SARDH: variants seen among roughly 807,000 people sequenced by gnomAD.
The protein encoded by SARDH is sarcosine dehydrogenase, also known as sarcosine dehydrogenase, mitochondrial.
SARDH carries 95 observed loss-of-function variants against 109.1 expected under a neutral mutation model. The observed-to-expected ratio is 0.87, with a 90% CI of 0.74 to 1.03. The LOEUF (loss-of-function observed/expected upper bound fraction) is 1.03, where lower values mean the gene tolerates loss of function less well. SARDH is among the 50% of genes least tolerant of loss of function. The probability of loss-of-function intolerance (pLI) is 0.00; values close to 1 mark genes in which losing one functional copy is unlikely to be tolerated. For synonymous variants in SARDH, 572 were observed against 534.8 expected, an observed-to-expected ratio of 1.07 and a Z score of -0.96; for missense variants, 1,267 against 1,287.8, an observed-to-expected ratio of 0.98 and a Z score of 0.25.
chr9:133,713,161 C>T (rs1419439507), intron 8 of SARDH, 37 bp from the exon 9 acceptor site: 8 of 1,564,294 alleles, frequency 5.1e-6, no homozygotes, highest in Middle Eastern at 1.7e-4. Flanking sequence ...GTCCCTTTTG[C>T]AGTGCACATA....
At chr9:133,725,503 T>A (rs766981242) in intron 6 of SARDH, 17 of 434,576 alleles carry the variant, frequency 3.9e-5, no homozygotes, top group Non-Finnish European at 7.9e-5. Flanking sequence ...TGAAACTCCG[T>A]CTCTACTAAA....
chr9:133,725,225 G>A (rs1315542264), intron 6 of SARDH, among the ~76,000 whole-genome samples: 2 of 152,178 alleles, frequency 1.3e-5, no homozygotes, highest in Non-Finnish European at 2.9e-5. Context: ...GAAATGGGGA[G>A]TGATTGATAA....
chr9:133,664,239 C>T (rs2131307287), intron 20 of SARDH, among the ~76,000 whole-genome samples: 1 of 152,322 alleles, frequency 6.6e-6, no homozygotes, highest in East Asian at 1.9e-4. Context: ...TCCGGCAAAG[C>T]CAAGGTCTGG....
chr9:133,664,145 G>A, intron 20 of SARDH, 131 bp from the exon 21 acceptor site: 1 of 1,256,524 alleles, frequency 8.0e-7, no homozygotes, highest in Non-Finnish European at 1.1e-6. Flanking sequence ...CTGTGCCAGG[G>A]ACTCCTTTCT....
chr9:133,732,513 C>T lies in SARDH; in HGVS notation c.420G>A (p.Glu140=). The T allele has an allele frequency of 2.5e-6, 4 of 1,613,892 alleles. No homozygotes were observed. The highest frequency in any genetic ancestry group is 2.5e-6 in the Non-Finnish European group (3 of 1,179,886). The change falls in exon 3 of 21, where the codon GAG becomes GAA. Residue 140 remains glutamate, a synonymous_variant. Transcript: ENST00000439388. ...RRVVSRELEE[E]TGLHTGWIQN... ...GGATCCAGCCCGTGTGTAGTCCCGT[C>T]TCCTCCTCCAGCTCCCGGCTCACCA...
intron 1 of SARDH, among the ~76,000 whole-genome samples, chr9:133,734,642 G>A (rs958527614): frequency 3.3e-5 from 5 of 152,188 alleles, no homozygotes; most frequent in Non-Finnish European, 2.9e-5. Flanking sequence ...AGAGAAGAGT[G>A]GGTGGCGTGG....
At chr9:133,681,707 T>C (rs1174028208) in intron 17 of SARDH, among the ~76,000 whole-genome samples, 1 of 152,188 alleles carries the variant, frequency 6.6e-6, no homozygotes, top group East Asian at 1.9e-4. Flanking sequence ...AAAACACTAG[T>C]GCTTGACTGA....
At chr9:133,713,397 C>T (rs1450361721) in intron 8 of SARDH, among the ~76,000 whole-genome samples, 2 of 152,192 alleles carry the variant, frequency 1.3e-5, no homozygotes, top group Admixed American at 6.5e-5. Flanking sequence ...GTCTTGTGGC[C>T]GTTGTCCTGC....
chr9:133,705,762 C>T (rs1451697246), intron 11 of SARDH, among the ~76,000 whole-genome samples: 2 of 152,194 alleles, frequency 1.3e-5, no homozygotes, highest in Admixed American at 1.3e-4. Flanking sequence ...CACATAAATT[C>T]GTATGTCAAA....
chr9:133,708,225 C>T, intron 11 of SARDH, 62 bp downstream of exon 11: 1 of 1,542,706 alleles, frequency 6.5e-7, no homozygotes, highest in Non-Finnish European at 8.8e-7. Flanking sequence ...TGTCACTCCG[C>T]TGCCCTGAGG....
intron 17 of SARDH, among the ~76,000 whole-genome samples, chr9:133,679,657 G>A (rs1054165385): frequency 2.6e-5 from 4 of 152,232 alleles, no homozygotes; most frequent in Admixed American, 6.5e-5. Flanking sequence ...AAGGACAGCT[G>A]GTCTGCTGGC....
At chr9:133,733,091 G>A (rs1442320918) in intron 2 of SARDH, among the ~76,000 whole-genome samples, 2 of 152,178 alleles carry the variant, frequency 1.3e-5, no homozygotes, top group Non-Finnish European at 2.9e-5. Flanking sequence ...TGTGGCTGGC[G>A]AAACGTCAGG....
intron 14 of SARDH, 29 bp from the exon 15 acceptor site, chr9:133,694,400 G>T (rs1204962192): frequency 9.8e-6 from 15 of 1,524,746 alleles, no homozygotes; most frequent in Non-Finnish European, 1.2e-5. Context: ...AGCCGGGTCT[G>T]TGCTGAGGCC....
intron 5 of SARDH, 67 bp from the exon 6 acceptor site, chr9:133,729,932 C>A: frequency 1.3e-6 from 2 of 1,593,430 alleles, no homozygotes; most frequent in Admixed American, 3.4e-5. Flanking sequence ...CAGGTGTGCA[C>A]AGGCTGCCTC....
chr9:133,679,614 C>T (rs1214112792), intron 17 of SARDH, among the ~76,000 whole-genome samples: 2 of 152,220 alleles, frequency 1.3e-5, no homozygotes, highest in African/African-American at 4.8e-5. Flanking sequence ...CACGGGGAAT[C>T]TTGCTGGCCT....
At chr9:133,732,340 G>A in intron 3 of SARDH, 83 bp downstream of exon 3, 1 of 1,097,932 alleles carries the variant, frequency 9.1e-7, no homozygotes, top group Non-Finnish European at 1.3e-6. Context: ...CCCCACAGGG[G>A]GTGCACCCAC....
chr9:133,691,851 TC>T (rs1831110301), intron 15 of SARDH, among the ~76,000 whole-genome samples: 1 of 152,104 alleles, frequency 6.6e-6, no homozygotes, highest in Non-Finnish European at 1.5e-5. Context: ...TTGAGTGGTG[TC>T]CCCAGGACCC....
rs1831846751 is a variant in SARDH, at chr9:133,709,778, G to T, written c.1329-1350C>A. Among the ~76,000 whole-genome samples the T allele has an allele frequency of 6.6e-6, 1 of 152,142 alleles. No homozygotes were observed. The highest frequency in any genetic ancestry group is 2.1e-4 in the South Asian group (1 of 4,828). ...GTCCCCAGAGCTGCCTTCTGCATGG[G>T]ACCCAAGATTAACTCTTTCACGCAG... On this transcript the variant is annotated intron_variant, in intron 10 of 20. Coordinates refer to ENST00000439388, the MANE Select transcript of SARDH (RefSeq NM_001134707.2). This position sits in a 1 kb window ranked among gnomAD's most constrained non-coding sequence, Gnocchi z 4.2.
intron 8 of SARDH, among the ~76,000 whole-genome samples, chr9:133,715,069 G>A (rs1249650008): frequency 1.3e-5 from 2 of 152,090 alleles, no homozygotes; most frequent in Non-Finnish European, 2.9e-5. Flanking sequence ...CCCTGACCTT[G>A]GTGAGCTCCA....
Sources: gnomAD v4.1 joint callset for allele counts (sites outside exome capture counted in the v4.1 genomes callset) on GRCh38, gnomAD v4.1.1 for gene constraint, Gnocchi (gnomAD v3.1) non-coding constraint, MANE v1.5 for transcripts, NCBI Gene and HGNC (gene_info 2026-07-23, HGNC 2026-07-21) for gene names.